Variants in PRR5 observed in about 807,000 individuals in gnomAD.
The protein encoded by PRR5 is proline rich 5.
Under a neutral mutation model 30.6 loss-of-function variants are expected in PRR5, and 25 were observed. That is an observed-to-expected ratio of 0.82 (90% CI 0.60 to 1.14). The LOEUF (loss-of-function observed/expected upper bound fraction) is 1.14, where lower values mean the gene tolerates loss of function less well. Ranked by LOEUF, PRR5 falls within the 50% of genes most tolerant of loss-of-function variation. The pLI, the probability that PRR5 is intolerant of heterozygous loss-of-function variation, is 0.00. For missense variants in PRR5, 600 were observed against 547.1 expected, an observed-to-expected ratio of 1.10 and a Z score of -0.96; for synonymous variants, 286 against 247.1, an observed-to-expected ratio of 1.16 and a Z score of -1.48.
chr22:44,718,001 C>T (rs940188042), intron 2 of PRR5, among the ~76,000 whole-genome samples: 12 of 152,030 alleles, frequency 7.9e-5, no homozygotes, highest in African/African-American at 2.4e-4. Context: ...AGGCGTGAGC[C>T]GTTGCACCCA....
At chr22:44,682,630 G>T (rs1458482192) in intron 1 of PRR5, among the ~76,000 whole-genome samples, 1 of 152,198 alleles carries the variant, frequency 6.6e-6, no homozygotes, top group Non-Finnish European at 1.5e-5. Flanking sequence ...CTTAGCTCAG[G>T]CCTGGCCCAT....
At chr22:44,679,716 A>G in intron 1 of PRR5, 4 of 1,194,978 alleles carry the variant, frequency 3.3e-6, no homozygotes, top group Non-Finnish European at 4.7e-6. Context: ...CAAAATAATA[A>G]TAATAACAAT....
Position 44,737,414 on chromosome 22 carries a change from A to G in PRR5, c.*167A>G, listed in dbSNP as rs11913294. ...TATTTCTGTCTTGGTTGGAAATACC[A>G]TCAGCCTTCCTTGCTCGGCCCAGGT... On this transcript the variant is annotated 3_prime_UTR_variant, in exon 8 of 8. Transcript: ENST00000336985. The G allele has an allele frequency of 5.5e-3, 7,320 of 1,338,392 alleles. 343 individuals carry two copies. The African/African-American group carries it at 0.094, about 17-fold the overall frequency. 82.9% of individuals were successfully genotyped at this position (1,338,392 alleles called of 1,614,324 possible). A position where few individuals can be genotyped will look rare whatever the true frequency, so the allele number is the denominator to read the frequency against.
chr22:44,671,742 C>T (rs927977968), intron 1 of PRR5, among the ~76,000 whole-genome samples: 1 of 152,282 alleles, frequency 6.6e-6, no homozygotes, highest in South Asian at 2.1e-4. Context: ...TGCCTGGGTT[C>T]GAATCCTGTC....
chr22:44,731,914 C>A, intron 5 of PRR5, 93 bp downstream of exon 5: 1 of 1,287,266 alleles, frequency 7.8e-7, no homozygotes, highest in Non-Finnish European at 1.1e-6. Context: ...GGCTTGGGGA[C>A]ACACACACCT....
chr22:44,702,424 A>AGGGCGCGGCGTG lies in PRR5; in HGVS notation c.-43_-32dup. 7.9e-7 allele frequency: 1 copy of AGGGCGCGGCGTG among 1,258,914 alleles called. No homozygotes were observed. Among genetic ancestry groups the AGGGCGCGGCGTG allele is most frequent in the Non-Finnish European group, 1.0e-6 (1 of 1,000,586 alleles). 78.0% of individuals were successfully genotyped at this position (1,258,914 alleles called of 1,614,324 possible). ...CGGGGCCCTTGGTGCGGCGTGGCGCAGGGCGCGGCGTGGGGCGCGCGTGGG... is the reference window on the plus strand; with the variant it reads ...CGGGGCCCTTGGTGCGGCGTGGCGCAGGGCGCGGCGTGGGGCGCGGCGTGGGGCGCGCGTGGG... On this transcript the variant is annotated 5_prime_UTR_variant, in exon 1 of 8. Transcript: ENST00000336985.
At chr22:44,729,683 C>T (rs1283844124) in intron 4 of PRR5, 1 of 985,404 alleles carries the variant, frequency 1.0e-6, no homozygotes, top group African/African-American at 1.7e-5. Context: ...ACAGGACAGG[C>T]CCCGGCAGAG....
intron 4 of PRR5, chr22:44,729,692 A>G: frequency 1.0e-6 from 1 of 985,500 alleles, no homozygotes; most frequent in Non-Finnish European, 1.2e-6. Context: ...GCCCCGGCAG[A>G]GAGCCCCAAC....
rs935545245 is a variant in PRR5 at position 44,691,646 on chromosome 22, C to T, written c.-10-10846C>T. ...AAAACTAGCCAGGCGTGGTGGTGCA[C>T]GCCTGTAATCGCAGCTACTCAGGAG... is the stretch of plus-strand genomic sequence containing the variant. On this transcript the variant is annotated intron_variant, in intron 1 of 8. Transcript: ENST00000006251. This position sits in a 1 kb window ranked among gnomAD's most constrained non-coding sequence, Gnocchi z 4.4. Among the ~76,000 whole-genome samples the T allele has an allele frequency of 1.2e-4, 18 of 152,118 alleles. No homozygotes were observed. Among genetic ancestry groups the T allele is most frequent in the Admixed American group, 7.2e-4 (11 of 15,270 alleles).
chr22:44,680,643 C>G (rs1160408550), intron 1 of PRR5, among the ~76,000 whole-genome samples: 1 of 152,198 alleles, frequency 6.6e-6, no homozygotes, highest in East Asian at 1.9e-4. Context: ...CCATGCCTGC[C>G]CACCACAGCA....
chr22:44,694,641 A>G (rs1164599365), intron 1 of PRR5, among the ~76,000 whole-genome samples: 1 of 152,156 alleles, frequency 6.6e-6, no homozygotes. Context: ...ATCCTGGCCC[A>G]GCCATGTGAC....
chr22:44,726,413 T>C (rs1251529021), intron 3 of PRR5, among the ~76,000 whole-genome samples, 164 bp from the exon 4 acceptor site: 2 of 152,144 alleles, frequency 1.3e-5, no homozygotes, highest in Non-Finnish European at 2.9e-5. Flanking sequence ...CTGGATGAAC[T>C]GATGCTCAGG....
intron 1 of PRR5, among the ~76,000 whole-genome samples, chr22:44,709,795 T>A (rs1235273352): frequency 2.6e-5 from 4 of 152,134 alleles, no homozygotes; most frequent in African/African-American, 9.7e-5. Flanking sequence ...GAGGTTGCAG[T>A]GAGCTGAGAT....
intron 1 of PRR5, among the ~76,000 whole-genome samples, chr22:44,677,888 G>A (rs1419949087): frequency 3.3e-5 from 5 of 152,226 alleles, no homozygotes; most frequent in Admixed American, 3.3e-4. Flanking sequence ...ATCCACCAAA[G>A]CTTGTGGGCA....
chr22:44,732,133 G>C (rs1922113210), intron 5 of PRR5, 118 bp from the exon 6 acceptor site: 2 of 1,497,156 alleles, frequency 1.3e-6, no homozygotes, highest in African/African-American at 2.7e-5. Flanking sequence ...AGGAGAACGG[G>C]GTGGAGGGGC....
chr22:44,724,869 C>T (rs1930449917), intron 2 of PRR5, among the ~76,000 whole-genome samples: 1 of 152,354 alleles, frequency 6.6e-6, no homozygotes, highest in South Asian at 2.1e-4. Flanking sequence ...GAGCCCGTGG[C>T]ATCCGGGATT....
chr22:44,670,044 C>T (rs1450565025), intron 1 of PRR5, among the ~76,000 whole-genome samples: 1 of 152,194 alleles, frequency 6.6e-6, no homozygotes, highest in Non-Finnish European at 1.5e-5. Flanking sequence ...AAGGGGGCAC[C>T]AGGAATCTGC....
intron 1 of PRR5, among the ~76,000 whole-genome samples, chr22:44,687,619 C>T (rs1224736748): frequency 2.0e-5 from 3 of 152,192 alleles, no homozygotes; most frequent in Non-Finnish European, 4.4e-5. Flanking sequence ...TCCTCAAGCC[C>T]TCTGGTGTTC....
In PRR5 at chr22:44,669,910, C is replaced by T. The variant is rs377028066; in HGVS notation, c.-11+1105C>T. On this transcript the variant is annotated intron_variant, in intron 1 of 8. Coordinates refer to the PRR5 transcript ENST00000432186. ...GGCCCCTCCGGCCTTCTGCACTCGG[C>T]GCAGCCTCCAGAATCCTGGGGGTAA... Among the ~76,000 whole-genome samples, 636 of 152,284 alleles carry T rather than the reference C, an allele frequency of 4.2e-3. 2 individuals are homozygous for T. The highest frequency in any genetic ancestry group is 6.7e-3 in the Non-Finnish European group (457 of 68,016).
Sources: allele counts gnomAD v4.1 joint callset (sites outside exome capture counted in the v4.1 genomes callset), GRCh38; gene constraint gnomAD v4.1.1; non-coding constraint Gnocchi (gnomAD v3.1); transcripts MANE v1.5; gene names NCBI Gene and HGNC (gene_info 2026-07-23, HGNC 2026-07-21).